The following IFT56 variants were observed in gnomAD, a reference collection of about 807,000 sequenced individuals.
IFT56 encodes the protein intraflagellar transport 56, also known as intraflagellar transport protein 56.
At chr7:139,151,058 A>G in the IFT56 span, among the ~76,000 whole-genome samples, 1 of 152,254 alleles carries the variant, frequency 6.6e-6, no homozygotes, top group African/African-American at 2.4e-5. Flanking sequence ...CACAAAGTTG[A>G]TGCCAACTGC....
the IFT56 span, among the ~76,000 whole-genome samples, chr7:139,159,417 G>GT: frequency 6.6e-6 from 1 of 151,886 alleles, no homozygotes; most frequent in Admixed American, 6.6e-5. Context: ...TTATATAACT[G>GT]TTTTTTTATT....
the IFT56 span, among the ~76,000 whole-genome samples, chr7:139,155,858 T>C: frequency 1.8e-3 from 281 of 152,286 alleles, 1 homozygote; most frequent in Non-Finnish European, 3.0e-3. Context: ...TAACTCTTCT[T>C]TAAGTGGTAT....
At chr7:139,160,826 G>T in the IFT56 span, 1 of 650,912 alleles carries the variant, frequency 1.5e-6, no homozygotes, top group East Asian at 2.9e-5. Context: ...TTGACCTAGA[G>T]TCATGAGGAT....
chr7:139,154,911 T>A, the IFT56 span, among the ~76,000 whole-genome samples: 2 of 152,168 alleles, frequency 1.3e-5, no homozygotes, highest in East Asian at 3.8e-4. Context: ...AAGATCAGTT[T>A]TGGGATTAAT....
chr7:139,151,236 C>T, the IFT56 span, among the ~76,000 whole-genome samples: 1 of 152,098 alleles, frequency 6.6e-6, no homozygotes, highest in African/African-American at 2.4e-5. Flanking sequence ...ATTATTGGAG[C>T]TTGAAGCTAG....
At chr7:139,160,800 G>C in the IFT56 span, 1 of 529,222 alleles carries the variant, frequency 1.9e-6, no homozygotes, top group East Asian at 3.3e-5. Flanking sequence ...TGAAAATGTG[G>C]GTAATAATAA....
the IFT56 span, chr7:139,191,550 C>G: frequency 2.0e-5 from 3 of 152,156 alleles, no homozygotes; most frequent in Non-Finnish European, 4.4e-5. Flanking sequence ...GAATTCAGCA[C>G]TCTAGATTCT....
chr7:139,152,802 C>T, the IFT56 span, among the ~76,000 whole-genome samples: 1 of 152,110 alleles, frequency 6.6e-6, no homozygotes, highest in Admixed American at 6.6e-5. Flanking sequence ...AGTATAGTCA[C>T]AGCTTAAGTG....
At chr7:139,186,816 C>T in the IFT56 span, among the ~76,000 whole-genome samples, 1,366 of 152,028 alleles carry the variant, frequency 9.0e-3, 15 homozygotes, top group African/African-American at 0.032. Context: ...TGATTGTGGC[C>T]GGGCGCGGTG....
At chr7:139,186,922 G>A in the IFT56 span, among the ~76,000 whole-genome samples, 2 of 149,616 alleles carry the variant, frequency 1.3e-5, no homozygotes, top group South Asian at 2.1e-4. Context: ...GTGAAACCCC[G>A]TCTCTACTAA....
chr7:139,185,018 C>T, the IFT56 span, among the ~76,000 whole-genome samples: 759 of 149,268 alleles, frequency 5.1e-3, 3 homozygotes, highest in Non-Finnish European at 7.6e-3. Context: ...CGCGCCACTG[C>T]ACTCCAGCCT....
At chr7:139,178,151 C>A in the IFT56 span, 1 of 1,149,820 alleles carries the variant, frequency 8.7e-7, no homozygotes, top group Non-Finnish European at 1.3e-6. Context: ...ATAACTCAAA[C>A]TTCAGCTAAA....
the IFT56 span, among the ~76,000 whole-genome samples, chr7:139,184,301 G>A: frequency 6.6e-6 from 1 of 152,174 alleles, no homozygotes; most frequent in Non-Finnish European, 1.5e-5. Flanking sequence ...GGCGTCATCA[G>A]TTTCACCATC....
At chr7:139,176,062 A>C in the IFT56 span, among the ~76,000 whole-genome samples, 1 of 150,844 alleles carries the variant, frequency 6.6e-6, no homozygotes, top group Non-Finnish European at 1.5e-5. Flanking sequence ...CAAATGATCC[A>C]CCCACCTCAG....
the IFT56 span, chr7:139,181,018 T>A: frequency 1.1e-6 from 1 of 918,806 alleles, no homozygotes; most frequent in Non-Finnish European, 1.7e-6. Flanking sequence ...ATCCATAGAA[T>A]AATAAGGTGC....
chr7:139,177,482 A>C, the IFT56 span, among the ~76,000 whole-genome samples: 26 of 152,052 alleles, frequency 1.7e-4, no homozygotes, highest in African/African-American at 6.0e-4. Flanking sequence ...CTCATCAAAT[A>C]TACCAGAAAA....
chr7:139,160,906 TA>T, the IFT56 span: 2 of 1,492,126 alleles, frequency 1.3e-6, no homozygotes, highest in Non-Finnish European at 1.9e-6. Context: ...ATAAGAACTA[TA>T]CACTTGTCAT....
chr7:139,154,902 A>C, the IFT56 span, among the ~76,000 whole-genome samples: 1 of 152,150 alleles, frequency 6.6e-6, no homozygotes, highest in Non-Finnish European at 1.5e-5. Flanking sequence ...ATTGCATTAA[A>C]GATCAGTTTT....
chr7:139,159,447 G>A, the IFT56 span, among the ~76,000 whole-genome samples: 25 of 151,948 alleles, frequency 1.6e-4, no homozygotes, highest in Non-Finnish European at 1.8e-4. Context: ...TATGTACAAG[G>A]GGTCCCCAAA....
Sources: allele counts gnomAD v4.1 joint callset (sites outside exome capture counted in the v4.1 genomes callset), GRCh38; gene constraint gnomAD v4.1.1; transcripts MANE v1.5; gene names NCBI Gene and HGNC (gene_info 2026-07-23, HGNC 2026-07-21).